Variants in AGAP1 observed in about 807,000 individuals in gnomAD.
AGAP1 encodes arf-GAP with GTPase, ANK repeat and PH domain-containing protein 1.
A neutral mutation model predicts 105.3 loss-of-function variants in AGAP1; 29 were observed. The ratio of observed to expected loss-of-function variants is 0.28; its 90% CI spans 0.21 to 0.38. The LOEUF (loss-of-function observed/expected upper bound fraction) is 0.38. Among genes scored for constraint, AGAP1 ranks in the 10% least tolerant of loss-of-function variants. The pLI is 1.00. For synonymous variants in AGAP1, 509 were observed against 485.9 expected, an observed-to-expected ratio of 1.05 and a Z score of -0.63; for missense variants, 998 against 1,165.1, an observed-to-expected ratio of 0.86 and a Z score of 2.09.
rs1189851930 is a variant in AGAP1, at chr2:235,651,325, C to T, written c.164-57854C>T. Among the ~76,000 whole-genome samples the T allele has an allele frequency of 3.3e-5, 5 of 150,772 alleles. No homozygotes were observed. In the South Asian group the frequency reaches 6.3e-4, roughly 19 times the overall value. ...GGAAGTTCTAGTACCACTGAGAAAA[C>T]GATCTGCCAGATATCTCCATCAGCA... On this transcript the variant is annotated intron_variant, in intron 1 of 17. Transcript: ENST00000304032.
Position 235,799,558 on chromosome 2 carries a change from T to C in AGAP1, c.957+36T>C. ...ACCCTGGGTGGAGATTTGAATGCGA[T>C]TCCGAAGCGTTCCCATTAACGTAAA... On this transcript the variant is annotated intron_variant, in intron 8 of 17. Transcript: ENST00000304032. This position sits in a 1 kb window ranked among gnomAD's most constrained non-coding sequence, Gnocchi z 5.0. 1 of 1,604,666 alleles carries C rather than the reference T, an allele frequency of 6.2e-7. No homozygotes were observed. The highest frequency in any genetic ancestry group is 8.5e-7 in the Non-Finnish European group (1 of 1,172,818).
rs1177447283 is a variant in AGAP1 at position 236,083,330 on chromosome 2, C to G, written c.2114+34049C>G. Reference sequence around the variant, plus strand: ...CGGTTTGTTGCAAGGAAGCGTCGTCCTCCTCACGGGCTCTTTACGTTGACA... The same window carrying G: ...CGGTTTGTTGCAAGGAAGCGTCGTCGTCCTCACGGGCTCTTTACGTTGACA... On this transcript the variant is annotated intron_variant, in intron 16 of 17. Transcript: ENST00000304032. The surrounding 1 kb of genome is among the most constrained non-coding windows in gnomAD (Gnocchi z 5.3). Among the ~76,000 whole-genome samples the G allele has an allele frequency of 6.6e-6, 1 of 152,152 alleles. No individual in the cohort carries two copies.
chr2:235,605,708 T>G (rs1945908704), intron 1 of AGAP1, among the ~76,000 whole-genome samples: 1 of 152,248 alleles, frequency 6.6e-6, no homozygotes, highest in South Asian at 2.1e-4. Context: ...AAGAGGCTGC[T>G]TTTGTAAAAA....
intron 9 of AGAP1, among the ~76,000 whole-genome samples, chr2:235,832,285 CT>C (rs2106346910): frequency 6.6e-6 from 1 of 152,242 alleles, no homozygotes; most frequent in African/African-American, 2.4e-5. Context: ...GATCTTTCTT[CT>C]TTTCCCTCCT....
At position 235,569,844 on chromosome 2, in the gene AGAP1, G is replaced by A. The variant is rs1281351328; in HGVS notation, c.163+74995G>A. On this transcript the variant is annotated intron_variant, in intron 1 of 17. Transcript: ENST00000304032. This position sits in a 1 kb window ranked among gnomAD's most constrained non-coding sequence, Gnocchi z 5.9. ...CCATTGCCAATCAGTAGCTGAAAGTGGATGCTATTGTTTTTCCGATTGCTG... is the reference window on the plus strand; with the variant it reads ...CCATTGCCAATCAGTAGCTGAAAGTAGATGCTATTGTTTTTCCGATTGCTG... 6.6e-6 allele frequency among the ~76,000 whole-genome samples: 1 copy of A among 152,154 alleles called. No individual in the cohort carries two copies. The highest frequency in any genetic ancestry group is 2.1e-4 in the South Asian group (1 of 4,818).
intron 16 of AGAP1, among the ~76,000 whole-genome samples, chr2:236,055,000 G>C (rs919365179): frequency 6.6e-6 from 1 of 152,198 alleles, no homozygotes; most frequent in Non-Finnish European, 1.5e-5. Context: ...GCAACTGGCT[G>C]ATTTAATGAT....
At chr2:236,091,163 G>A (rs1303359284) in intron 16 of AGAP1, among the ~76,000 whole-genome samples, 1 of 152,194 alleles carries the variant, frequency 6.6e-6, no homozygotes, top group African/African-American at 2.4e-5. Context: ...TTTATGTCCA[G>A]TGTACTTCCA....
At chr2:235,881,963 T>G (rs1470682516) in intron 9 of AGAP1, among the ~76,000 whole-genome samples, 1 of 152,164 alleles carries the variant, frequency 6.6e-6, no homozygotes, top group Non-Finnish European at 1.5e-5. Context: ...AAATCTGAAA[T>G]GAAGGAAACT....
At position 235,899,045 on chromosome 2, in the gene AGAP1, A is replaced by G. The variant is rs575004787; in HGVS notation, c.1156-9693A>G. On this transcript the variant is annotated intron_variant, in intron 10 of 17. Coordinates refer to ENST00000304032, the MANE Select transcript of AGAP1 (RefSeq NM_001037131.3). ...TGCATGGGAAAAATACGTATAGAAG[A>G]CTTCTAAATAGGCCTAGGTGGAAAG... Among the ~76,000 whole-genome samples the G allele has an allele frequency of 2.0e-5, 3 of 152,294 alleles. No homozygotes were observed. In the South Asian group the frequency reaches 6.2e-4, roughly 32 times the overall value.
intron 8 of AGAP1, among the ~76,000 whole-genome samples, chr2:235,805,868 G>A (rs1243800685): frequency 6.6e-6 from 1 of 152,180 alleles, no homozygotes; most frequent in East Asian, 1.9e-4. Context: ...GGGGAAACAA[G>A]TGCACAGTGC....
rs1417459244 is a variant in AGAP1, at chr2:235,983,314, CT to C, written c.1645+14693del. On this transcript the variant is annotated intron_variant, in intron 13 of 17. Transcript: ENST00000304032. The surrounding 1 kb of genome is among the most constrained non-coding windows in gnomAD (Gnocchi z 4.5). ...GGGGTCTGGGCAAGGGGCTTCTCCC[CT>C]TGCTAGGCCCCCTCCTTTTGTTCAG... Among the ~76,000 whole-genome samples the C allele has an allele frequency of 6.6e-6, 1 of 152,212 alleles. No homozygotes were observed. The highest frequency in any genetic ancestry group is 1.5e-5 in the Non-Finnish European group (1 of 68,026).
At chr2:235,581,083 G>A (rs1944914577) in intron 1 of AGAP1, among the ~76,000 whole-genome samples, 1 of 148,862 alleles carries the variant, frequency 6.7e-6, no homozygotes. Context: ...GATCACCTGA[G>A]GTCAGGAGTT....
chr2:235,606,910 C>T (rs1433017356), intron 1 of AGAP1, among the ~76,000 whole-genome samples: 2 of 139,720 alleles, frequency 1.4e-5, no homozygotes, highest in Middle Eastern at 4.0e-3. Context: ...CACTGCACTC[C>T]AGCCTGATGA....
Position 235,736,022 on chromosome 2 carries a change from G to GT in AGAP1, c.311-4940dup, listed in dbSNP as rs1012914748. Among the ~76,000 whole-genome samples, 10 of 152,066 alleles carry GT rather than the reference G, an allele frequency of 6.6e-5. No individual in the cohort carries two copies. The highest frequency in any genetic ancestry group is 2.4e-4 in the African/African-American group (10 of 41,496). On this transcript the variant is annotated intron_variant, in intron 3 of 17. Transcript: ENST00000304032. The surrounding 1 kb of genome is among the most constrained non-coding windows in gnomAD (Gnocchi z 5.5). ...CTCTGCTCTAAGCTGAGGATTCCAG[G>GT]TGATGCTGTTTACCTCCTGTGATAT...
rs927138042 is a variant in AGAP1 at position 235,622,475 on chromosome 2, A to C, written c.164-86704A>C. Among the ~76,000 whole-genome samples the C allele has an allele frequency of 6.6e-6, 1 of 152,124 alleles. No individual in the cohort carries two copies. The highest frequency in any genetic ancestry group is 2.4e-5 in the African/African-American group (1 of 41,406). On this transcript the variant is annotated intron_variant, in intron 1 of 17. Transcript: ENST00000304032. This position sits in a 1 kb window ranked among gnomAD's most constrained non-coding sequence, Gnocchi z 5.0. ...GTGCCTGGACTCAATCTGCAGAGACAGGTGTCTGGGATCTGAAGACAGCAG... is the reference window on the plus strand; with the variant it reads ...GTGCCTGGACTCAATCTGCAGAGACCGGTGTCTGGGATCTGAAGACAGCAG...
chr2:236,103,282 G>C (rs2059404983), intron 16 of AGAP1, among the ~76,000 whole-genome samples: 1 of 152,162 alleles, frequency 6.6e-6, no homozygotes, highest in Admixed American at 6.5e-5. Flanking sequence ...CGGGTGCCAA[G>C]CTCTGCTGTT....
At position 235,919,583 on chromosome 2, in the gene AGAP1, T is replaced by C. The variant is rs866145854; in HGVS notation, c.1324+10677T>C. 6.6e-6 allele frequency among the ~76,000 whole-genome samples: 1 copy of C among 152,186 alleles called. No homozygotes were observed. Among genetic ancestry groups the C allele is most frequent in the Middle Eastern group, 3.4e-3 (1 of 294 alleles). On this transcript the variant is annotated intron_variant, in intron 11 of 17. Coordinates refer to ENST00000304032, the MANE Select transcript of AGAP1 (RefSeq NM_001037131.3). The surrounding 1 kb of genome is among the most constrained non-coding windows in gnomAD (Gnocchi z 4.1). Reference sequence around the variant, plus strand: ...TGGAAAGCAGAGAAAGAAGTAGTAGTGAATACTTCTCAGGATAGAGCTGTG... The same window carrying C: ...TGGAAAGCAGAGAAAGAAGTAGTAGCGAATACTTCTCAGGATAGAGCTGTG...
Position 235,866,859 on chromosome 2 carries a change from A to G in AGAP1, c.1051-16486A>G, listed in dbSNP as rs1428149699. Among the ~76,000 whole-genome samples the G allele has an allele frequency of 6.6e-6, 1 of 152,124 alleles. No homozygotes were observed. The highest frequency in any genetic ancestry group is 1.5e-5 in the Non-Finnish European group (1 of 68,030). On this transcript the variant is annotated intron_variant, in intron 9 of 17. Transcript: ENST00000304032. The surrounding 1 kb of genome is among the most constrained non-coding windows in gnomAD (Gnocchi z 6.1). ...CTTTTCTAATAAGGACAACAGTCAT[A>G]TTGGATTAGGGCCCATCCTAACAGC...
chr2:236,036,080 C>T lies in AGAP1; in HGVS notation c.1646-481C>T, dbSNP rs571492762. ...AACGTGGGAATTGATGCCTCTCCCA[C>T]GGTAACAGGTCCTCTGCCATAAAAG... On this transcript the variant is annotated intron_variant, in intron 13 of 17. Coordinates refer to ENST00000304032, the MANE Select transcript of AGAP1 (RefSeq NM_001037131.3). The surrounding 1 kb of genome is among the most constrained non-coding windows in gnomAD (Gnocchi z 5.7). Among the ~76,000 whole-genome samples the T allele has an allele frequency of 2.6e-5, 4 of 152,224 alleles. No homozygotes were observed. Among genetic ancestry groups the T allele is most frequent in the South Asian group, 2.1e-4 (1 of 4,824 alleles).
Sources: allele counts gnomAD v4.1 joint callset (sites outside exome capture counted in the v4.1 genomes callset), GRCh38; gene constraint gnomAD v4.1.1; non-coding constraint Gnocchi (gnomAD v3.1); transcripts MANE v1.5; gene names NCBI Gene and HGNC (gene_info 2026-07-23, HGNC 2026-07-21).